PRR5L: variants seen among roughly 807,000 people sequenced by gnomAD.
PRR5L encodes the protein proline-rich protein 5-like.
In PRR5L, 21 loss-of-function variants were observed where a neutral mutation model predicts 36.4. That is an observed-to-expected ratio of 0.58 (90% CI 0.41 to 0.83). The LOEUF (loss-of-function observed/expected upper bound fraction) is 0.83. PRR5L is among the 40% of genes least tolerant of loss of function. PRR5L has a pLI of 0.00. For synonymous variants in PRR5L, 188 were observed against 197.0 expected, an observed-to-expected ratio of 0.95 and a Z score of 0.38; for missense variants, 381 against 473.3, an observed-to-expected ratio of 0.80 and a Z score of 1.81.
chr11:36,383,694 CCT>C (rs1857408684), intron 1 of PRR5L, among the ~76,000 whole-genome samples: 2 of 115,014 alleles, frequency 1.7e-5, no homozygotes, highest in Non-Finnish European at 3.3e-5. Context: ...TCTTTCTTTT[CCT>C]TTTTTTTTTT....
intron 1 of PRR5L, among the ~76,000 whole-genome samples, chr11:36,306,381 G>A (rs539738842): frequency 1.7e-4 from 26 of 151,946 alleles, no homozygotes; most frequent in African/African-American, 4.1e-4. Context: ...GATGGTTTCC[G>A]GCTTCATCTA....
intron 1 of PRR5L, among the ~76,000 whole-genome samples, chr11:36,378,208 T>C (rs1468828711): frequency 1.3e-5 from 2 of 152,038 alleles, no homozygotes; most frequent in East Asian, 1.9e-4. Context: ...GGAGGGGAAA[T>C]GGAGCTTGCA....
At chr11:36,301,871 G>A (rs1856380515) in intron 1 of PRR5L, among the ~76,000 whole-genome samples, 1 of 152,132 alleles carries the variant, frequency 6.6e-6, no homozygotes, top group African/African-American at 2.4e-5. Flanking sequence ...GTTTTAGGTG[G>A]GAGAATACCC....
At chr11:36,397,266 G>A (rs112121324) in intron 1 of PRR5L, among the ~76,000 whole-genome samples, 6,007 of 150,896 alleles carry the variant, frequency 0.04, 139 homozygotes, top group Middle Eastern at 0.076. Context: ...GGGTTTCACC[G>A]TGTTGGTCAG....
intron 1 of PRR5L, among the ~76,000 whole-genome samples, chr11:36,391,953 C>G (rs574018361): frequency 1.3e-5 from 2 of 152,308 alleles, no homozygotes; most frequent in South Asian, 2.1e-4. Flanking sequence ...TAACATCCCC[C>G]CTTCCTCCCA....
At chr11:36,334,966 C>T (rs148921481) in intron 1 of PRR5L, among the ~76,000 whole-genome samples, 3 of 151,598 alleles carry the variant, frequency 2.0e-5, no homozygotes, top group African/African-American at 7.3e-5. Flanking sequence ...AACACTCACT[C>T]ACCCACTAAT....
chr11:36,429,622 T>G (rs1480568041), intron 4 of PRR5L, among the ~76,000 whole-genome samples: 1 of 151,272 alleles, frequency 6.6e-6, no homozygotes, highest in Admixed American at 6.6e-5. Context: ...TTAGGGAGGG[T>G]TAGGAAAGTT....
At chr11:36,316,653 G>A (rs527690209) in intron 1 of PRR5L, among the ~76,000 whole-genome samples, 3 of 152,098 alleles carry the variant, frequency 2.0e-5, no homozygotes, top group South Asian at 2.1e-4. Context: ...TCCAGTGCAG[G>A]GTCTGCAAAA....
At chr11:36,378,035 T>C (rs182693758) in intron 1 of PRR5L, among the ~76,000 whole-genome samples, 1 of 152,166 alleles carries the variant, frequency 6.6e-6, no homozygotes, top group Admixed American at 6.5e-5. Context: ...CCCGGGAGAC[T>C]ACCCTTTTTG....
At chr11:36,302,098 A>G (rs1856382992) in intron 1 of PRR5L, among the ~76,000 whole-genome samples, 1 of 152,206 alleles carries the variant, frequency 6.6e-6, no homozygotes, top group Non-Finnish European at 1.5e-5. Context: ...TCTGTGTGAA[A>G]TATTTTGTAG....
chr11:36,331,202 C>A (rs1856715528), intron 1 of PRR5L, among the ~76,000 whole-genome samples: 1 of 152,030 alleles, frequency 6.6e-6, no homozygotes, highest in Non-Finnish European at 1.5e-5. Flanking sequence ...GTTAAGAATC[C>A]CTTTTTATTT....
intron 1 of PRR5L, chr11:36,376,516 G>A: frequency 1.9e-6 from 2 of 1,031,614 alleles, no homozygotes; most frequent in Non-Finnish European, 2.3e-6. Context: ...GGGGGAGGAG[G>A]GAGGGACGGA....
intron 3 of PRR5L, among the ~76,000 whole-genome samples, chr11:36,416,275 T>C (rs949978219): frequency 2.6e-5 from 4 of 152,212 alleles, no homozygotes; most frequent in African/African-American, 4.8e-5. Flanking sequence ...GCAGTGTAGC[T>C]TACTGATTTG....
At chr11:36,438,512 C>A (rs1858652073) in intron 6 of PRR5L, among the ~76,000 whole-genome samples, 2 of 152,182 alleles carry the variant, frequency 1.3e-5, no homozygotes, top group African/African-American at 4.8e-5. Context: ...AGACCCACCC[C>A]ATAACATTTC....
intron 1 of PRR5L, among the ~76,000 whole-genome samples, chr11:36,390,476 A>G (rs888337926): frequency 2.6e-5 from 4 of 152,178 alleles, no homozygotes; most frequent in Middle Eastern, 3.2e-3. Context: ...GTTGTGGGCT[A>G]TGGACTGTTG....
At chr11:36,399,686 G>T (rs1477923534) in intron 1 of PRR5L, among the ~76,000 whole-genome samples, 1 of 152,208 alleles carries the variant, frequency 6.6e-6, no homozygotes, top group Non-Finnish European at 1.5e-5. Flanking sequence ...AAACCGTCAA[G>T]TAAAAAGTGA....
In PRR5L at chr11:36,314,193, A is replaced by G. The variant is rs533954838; in HGVS notation, c.-126+17755A>G. On this transcript the variant is annotated intron_variant, in intron 1 of 8. Transcript: ENST00000530639. ...CCTGGTACTAAAGAGGACCTAATTCAAATGAATCGTGTAGTTGACAAGCAG... is the reference window on the plus strand; with the variant it reads ...CCTGGTACTAAAGAGGACCTAATTCGAATGAATCGTGTAGTTGACAAGCAG... Among the ~76,000 whole-genome samples the G allele has an allele frequency of 2.0e-5, 3 of 152,308 alleles. No individual in the cohort carries two copies. The East Asian group carries it at 5.8e-4, about 29-fold the overall frequency.
chr11:36,407,013 A>C (rs970516913), intron 3 of PRR5L, among the ~76,000 whole-genome samples: 1 of 152,234 alleles, frequency 6.6e-6, no homozygotes, highest in African/African-American at 2.4e-5. Flanking sequence ...GGGAGGATTG[A>C]GATAATGCTA....
intron 1 of PRR5L, among the ~76,000 whole-genome samples, chr11:36,334,298 C>T (rs760866215): frequency 6.6e-6 from 1 of 152,192 alleles, no homozygotes; most frequent in Non-Finnish European, 1.5e-5. Context: ...GACACTGCCA[C>T]TTGTATCTGG....
Sources: allele counts gnomAD v4.1 joint callset (sites outside exome capture counted in the v4.1 genomes callset), GRCh38; gene constraint gnomAD v4.1.1; transcripts MANE v1.5; gene names NCBI Gene and HGNC (gene_info 2026-07-23, HGNC 2026-07-21).